CD247: variants seen among roughly 807,000 people sequenced by gnomAD.
The protein encoded by CD247 is CD247 molecule.
Under a neutral mutation model 30.0 loss-of-function variants are expected in CD247, and 13 were observed. The observed-to-expected ratio is 0.43, with a 90% CI of 0.28 to 0.69. The LOEUF is 0.69. Among genes scored for constraint, CD247 ranks in the 30% least tolerant of loss-of-function variants. The pLI, the probability that CD247 is intolerant of heterozygous loss-of-function variation, is 0.16. For synonymous variants in CD247, 72 were observed against 80.0 expected, an observed-to-expected ratio of 0.90 and a Z score of 0.53; for missense variants, 193 against 212.6, an observed-to-expected ratio of 0.91 and a Z score of 0.57.
At chr1:167,461,621 G>C (rs190507142) in intron 1 of CD247, among the ~76,000 whole-genome samples, 1 of 152,144 alleles carries the variant, frequency 6.6e-6, no homozygotes, top group Non-Finnish European at 1.5e-5. Flanking sequence ...AGGCCCAGGC[G>C]GGCGGATCAC....
At position 167,431,622 on chromosome 1, in the gene CD247, G is replaced by A. The variant is rs370643349; in HGVS notation, c.*59C>T. ...AACCGGGTTGTAAATGCTTCATCCT[G>A]TGTCTCATAATCTGGGCGTCTGCAG... On this transcript the variant is annotated 3_prime_UTR_variant, in exon 8 of 8. Coordinates refer to ENST00000362089, the MANE Select transcript of CD247 (RefSeq NM_198053.3). The A allele has an allele frequency of 7.4e-7, 1 of 1,345,328 alleles. No homozygotes were observed. Among genetic ancestry groups the A allele is most frequent in the African/African-American group, 1.4e-5 (1 of 69,698 alleles). The allele number at this position is 1,345,328 out of a possible 1,614,324, so 83.3% of individuals were successfully genotyped here.
intron 2 of CD247, 70 bp from the exon 3 acceptor site, chr1:167,439,470 C>T (rs1213291877): frequency 9.9e-6 from 14 of 1,411,538 alleles, no homozygotes; most frequent in South Asian, 2.3e-5. Flanking sequence ...TGCCAGGGCG[C>T]GCGGCGACCC....
intron 1 of CD247, among the ~76,000 whole-genome samples, chr1:167,501,601 G>T (rs1345820130): frequency 1.3e-5 from 2 of 152,194 alleles, no homozygotes; most frequent in Non-Finnish European, 2.9e-5. Context: ...AGAAAGAAAT[G>T]GTCAATTCCT....
chr1:167,504,060 G>A (rs1366235955), intron 1 of CD247, among the ~76,000 whole-genome samples: 1 of 152,172 alleles, frequency 6.6e-6, no homozygotes. Flanking sequence ...TTACCTCTGG[G>A]CTCCCGGGGT....
chr1:167,511,291 T>G, intron 1 of CD247, among the ~76,000 whole-genome samples: 1 of 152,304 alleles, frequency 6.6e-6, no homozygotes, highest in East Asian at 1.9e-4. Flanking sequence ...TTACAGGCAA[T>G]TTATTCAGGG....
chr1:167,452,467 G>A (rs1216919377), intron 1 of CD247, among the ~76,000 whole-genome samples: 2 of 151,738 alleles, frequency 1.3e-5, no homozygotes, highest in East Asian at 3.9e-4. Context: ...GAGGGAAGAT[G>A]CCGTGAAGAT....
chr1:167,515,041 C>T (rs1278804282), intron 1 of CD247, among the ~76,000 whole-genome samples: 1 of 152,128 alleles, frequency 6.6e-6, no homozygotes, highest in Non-Finnish European at 1.5e-5. Context: ...CTGGGGGATG[C>T]TTAGCAGAAG....
Position 167,431,297 on chromosome 1 carries a change from A to T in CD247, c.*384T>A. On this transcript the variant is annotated 3_prime_UTR_variant, in exon 8 of 8. Coordinates refer to ENST00000362089, the MANE Select transcript of CD247 (RefSeq NM_198053.3). Reference sequence around the variant, plus strand: ...AGTGAAGCCACTCAGACACAGAGTGATACAGACATTAGGGCATGTGCTAGC... The same window carrying T: ...AGTGAAGCCACTCAGACACAGAGTGTTACAGACATTAGGGCATGTGCTAGC... 1.7e-6 allele frequency: 1 copy of T among 574,836 alleles called. No homozygotes were observed. Among genetic ancestry groups the T allele is most frequent in the Non-Finnish European group, 3.1e-6 (1 of 325,230 alleles). 35.6% of individuals were successfully genotyped at this position (574,836 alleles called of 1,614,324 possible).
chr1:167,469,927 T>A lies in CD247; in HGVS notation c.59-29160A>T, dbSNP rs539749067. 9.6e-3 allele frequency among the ~76,000 whole-genome samples: 1,460 copies of A among 152,240 alleles called. 9 individuals are homozygous for A. The highest frequency in any genetic ancestry group is 0.014 in the Non-Finnish European group (983 of 68,022). On this transcript the variant is annotated intron_variant, in intron 1 of 7. Transcript: ENST00000362089. ...ACTTTATTTTATTTTATTTTATTTT[T>A]TTTGAGATGGAGTCTCACTCTCGTC...
At chr1:167,480,523 A>G (rs543862686) in intron 1 of CD247, among the ~76,000 whole-genome samples, 1 of 152,280 alleles carries the variant, frequency 6.6e-6, no homozygotes, top group South Asian at 2.1e-4. Context: ...TTCCAGCTCT[A>G]AAAGGTTGTT....
In CD247 at chr1:167,431,320, A is replaced by G; in HGVS notation, c.*361T>C. On this transcript the variant is annotated 3_prime_UTR_variant, in exon 8 of 8. Coordinates refer to ENST00000362089, the MANE Select transcript of CD247 (RefSeq NM_198053.3). Reference sequence around the variant, plus strand: ...TGATACAGACATTAGGGCATGTGCTAGCATCTGCGCTTTCTCTGGGGACTT... The same window carrying G: ...TGATACAGACATTAGGGCATGTGCTGGCATCTGCGCTTTCTCTGGGGACTT... 1 of 588,008 alleles carries G rather than the reference A, an allele frequency of 1.7e-6. No homozygotes were observed. Among genetic ancestry groups the G allele is most frequent in the Non-Finnish European group, 3.0e-6 (1 of 331,082 alleles). The allele number at this position is 588,008 out of a possible 1,614,324, so 36.4% of individuals were successfully genotyped here.
chr1:167,491,498 G>A (rs1654449001), intron 1 of CD247, among the ~76,000 whole-genome samples: 1 of 152,028 alleles, frequency 6.6e-6, no homozygotes, highest in African/African-American at 2.4e-5. Flanking sequence ...AAGCCAGGAA[G>A]GGAGGTTGCA....
chr1:167,485,904 C>T (rs1455430015), intron 1 of CD247, among the ~76,000 whole-genome samples: 1 of 151,938 alleles, frequency 6.6e-6, no homozygotes, highest in African/African-American at 2.4e-5. Context: ...ATGGAGCTGC[C>T]AAGAAGGTTG....
At chr1:167,495,384 T>A (rs556878070) in intron 1 of CD247, among the ~76,000 whole-genome samples, 117 of 152,042 alleles carry the variant, frequency 7.7e-4, no homozygotes, top group Non-Finnish European at 1.6e-3. Context: ...GAGGTGGGAG[T>A]AGTTGTTACA....
chr1:167,449,149 C>CTTTTTTTTTTTT (rs71097676), intron 1 of CD247, among the ~76,000 whole-genome samples: 7 of 66,412 alleles, frequency 1.1e-4, no homozygotes, highest in African/African-American at 1.5e-4. Context: ...TTTTTCTTTT[C>CTTTTTTTTTTTT]TTTTTTTTTT....
Position 167,439,223 on chromosome 1 carries a change from G to A in CD247, c.219+121C>T, listed in dbSNP as rs33930807. On this transcript the variant is annotated intron_variant, in intron 3 of 7. Transcript: ENST00000362089. Reference sequence around the variant, plus strand: ...AACTGAGGTTAAACAAGTTGCAGCCGGGTCGCAGAGGTGATAGCTAGGGAC... The same window carrying A: ...AACTGAGGTTAAACAAGTTGCAGCCAGGTCGCAGAGGTGATAGCTAGGGAC... The A allele has an allele frequency of 0.029, 24,851 of 845,626 alleles. 458 individuals carry two copies. Among genetic ancestry groups the A allele is most frequent in the Non-Finnish European group, 0.04 (19,302 of 486,958 alleles). The allele number at this position is 845,626 out of a possible 1,614,324, so 52.4% of individuals were successfully genotyped here.
At chr1:167,485,619 T>G (rs955149935) in intron 1 of CD247, among the ~76,000 whole-genome samples, 1 of 152,132 alleles carries the variant, frequency 6.6e-6, no homozygotes, top group African/African-American at 2.4e-5. Context: ...GTCAGCATGC[T>G]GGCTGGCGTG....
intron 1 of CD247, among the ~76,000 whole-genome samples, chr1:167,508,814 A>C (rs1655257530): frequency 6.6e-6 from 1 of 152,202 alleles, no homozygotes; most frequent in East Asian, 1.9e-4. Flanking sequence ...TGAGACCATA[A>C]AGAAGTGAGC....
intron 1 of CD247, among the ~76,000 whole-genome samples, chr1:167,471,629 G>T (rs190020821): frequency 5.3e-5 from 8 of 152,070 alleles, no homozygotes; most frequent in Admixed American, 3.9e-4. Context: ...AGAGATGGGG[G>T]TCTCATTCTG....
Sources: gnomAD v4.1 joint callset for allele counts (sites outside exome capture counted in the v4.1 genomes callset) on GRCh38, gnomAD v4.1.1 for gene constraint, MANE v1.5 for transcripts, NCBI Gene and HGNC (gene_info 2026-07-23, HGNC 2026-07-21) for gene names.